Variants in LHX4 observed in about 807,000 individuals in gnomAD.
LHX4 encodes the protein LIM homeobox 4.
Under a neutral mutation model 39.2 loss-of-function variants are expected in LHX4, and 16 were observed. That is an observed-to-expected ratio of 0.41 (90% CI 0.28 to 0.62). The LOEUF is 0.62. LHX4 is among the 20% of genes least tolerant of loss of function. The pLI, the probability that LHX4 is intolerant of heterozygous loss-of-function variation, is 0.33. For synonymous variants in LHX4, 206 were observed against 198.1 expected, an observed-to-expected ratio of 1.04 and a Z score of -0.33; for missense variants, 439 against 511.9, an observed-to-expected ratio of 0.86 and a Z score of 1.37.
At chr1:180,259,477 G>T (rs902821652) in intron 2 of LHX4, among the ~76,000 whole-genome samples, 1 of 151,800 alleles carries the variant, frequency 6.6e-6, no homozygotes, top group Admixed American at 6.5e-5. Context: ...AGGGGCTGGG[G>T]CCCCGGGTGT....
intron 2 of LHX4, among the ~76,000 whole-genome samples, chr1:180,264,140 ATT>A (rs745617211): frequency 1.3e-5 from 2 of 151,722 alleles, no homozygotes; most frequent in South Asian, 2.1e-4. Context: ...AATTTTTTGC[ATT>A]TTTTGTAGAG....
In LHX4 at chr1:180,266,447, G is replaced by T; in HGVS notation, c.304G>T (p.Val102Phe). The T allele has an allele frequency of 6.2e-7, 1 of 1,614,220 alleles. No homozygotes were observed. Among genetic ancestry groups the T allele is most frequent in the Non-Finnish European group, 8.5e-7 (1 of 1,180,036 alleles). Residue 102 changes from valine (V) to phenylalanine (F), a missense_variant, in exon 3 of 6, where the codon GTC becomes TTC. Physicochemically the swap from Val to Phe is conservative, Grantham distance 50. Transcript: ENST00000263726. The surrounding 1 kb of genome is among the most constrained non-coding windows in gnomAD (Gnocchi z 5.7). Reference protein sequence around the residue: ...CQQGIPPTQVVRKAQDFVYHL... With the variant: ...CQQGIPPTQVFRKAQDFVYHL... ...GCAGGGTATCCCCCCAACCCAGGTG[G>T]TCCGCAAGGCCCAGGACTTTGTCTA...
In LHX4 at chr1:180,271,436, G is replaced by A; in HGVS notation, c.508G>A (p.Glu170Lys). ...PRTTITAKQL[E>K]TLKNAYKNSP... ...GACCACCATCACAGCCAAGCAGCTG[G>A]AGACATTAAAGAATGCATACAAGAA... The change falls in exon 4 of 6, where the codon GAG becomes AAG. Residue 170 changes from glutamate (E) to lysine (K), a missense_variant. By Grantham distance (56) the Glu-to-Lys change is moderately conservative (BLOSUM62 1). Coordinates refer to ENST00000263726, the MANE Select transcript of LHX4 (RefSeq NM_033343.4). 1 of 1,614,194 alleles carries A rather than the reference G, an allele frequency of 6.2e-7. No homozygotes were observed. Among genetic ancestry groups the A allele is most frequent in the Non-Finnish European group, 8.5e-7 (1 of 1,180,038 alleles).
intron 1 of LHX4, among the ~76,000 whole-genome samples, chr1:180,235,632 G>C (rs1475736546): frequency 6.6e-6 from 1 of 152,214 alleles, no homozygotes; most frequent in Admixed American, 6.5e-5. Flanking sequence ...CTCCCCACTC[G>C]GTTCCGCAGC....
intron 2 of LHX4, among the ~76,000 whole-genome samples, chr1:180,254,159 G>A (rs939825740): frequency 5.3e-5 from 8 of 152,208 alleles, no homozygotes; most frequent in African/African-American, 9.6e-5. Flanking sequence ...GTCAGGGGGC[G>A]TGGAGTGACT....
intron 2 of LHX4, among the ~76,000 whole-genome samples, chr1:180,259,560 C>T (rs1050444206): frequency 1.3e-5 from 2 of 151,352 alleles, no homozygotes; most frequent in African/African-American, 2.4e-5. Flanking sequence ...AATGGGAGGG[C>T]GCCAGCAGCT....
At chr1:180,239,160 C>T (rs1664393887) in intron 1 of LHX4, among the ~76,000 whole-genome samples, 2 of 152,186 alleles carry the variant, frequency 1.3e-5, no homozygotes, top group African/African-American at 2.4e-5. Flanking sequence ...GCAGGTGTGC[C>T]ACAGCTTGGT....
Position 180,234,194 on chromosome 1 carries a change from TATATATATATATATATATATATATATA to T in LHX4, c.76+3593_76+3619del, listed in dbSNP as rs1482381099. The stretch of plus-strand genomic sequence containing the variant: ...TTATATATATATATATATATATATA[TATATATATATATATATATATATATATA>T]ATAGATTGAGATTCTATCATATTCC... On this transcript the variant is annotated intron_variant, in intron 1 of 5. Transcript: ENST00000263726. The surrounding 1 kb of genome is among the most constrained non-coding windows in gnomAD (Gnocchi z 4.8). Among the ~76,000 whole-genome samples the T allele has an allele frequency of 0.091, 9,350 of 102,736 alleles. 843 individuals are homozygous for T. Among genetic ancestry groups the T allele is most frequent in the South Asian group, 0.25 (863 of 3,474 alleles). 67.4% of individuals were successfully genotyped at this position (102,736 alleles called of 152,430 possible).
chr1:180,229,966 G>T (rs1272766269), upstream of LHX4, among the ~76,000 whole-genome samples: 3 of 57,502 alleles, frequency 5.2e-5, 1 homozygote, highest in South Asian at 1.6e-3. Flanking sequence ...AGGCGGGGAG[G>T]GGGGGGGGGT....
At chr1:180,258,290 G>A (rs1647954136) in intron 2 of LHX4, among the ~76,000 whole-genome samples, 1 of 152,224 alleles carries the variant, frequency 6.6e-6, no homozygotes, top group Non-Finnish European at 1.5e-5. Flanking sequence ...CAGGTACCTG[G>A]GGGGAGAGCG....
intron 1 of LHX4, among the ~76,000 whole-genome samples, chr1:180,235,638 G>A (rs892783887): frequency 6.6e-6 from 1 of 152,216 alleles, no homozygotes; most frequent in Non-Finnish European, 1.5e-5. Flanking sequence ...ACTCGGTTCC[G>A]CAGCTTAGTG....
chr1:180,236,673 G>T (rs1664327954), intron 1 of LHX4, among the ~76,000 whole-genome samples: 1 of 152,222 alleles, frequency 6.6e-6, no homozygotes. Flanking sequence ...AAGAGTTGTG[G>T]ATGGGGGGCG....
At chr1:180,242,498 GTA>G (rs140615954) in intron 1 of LHX4, among the ~76,000 whole-genome samples, 44 of 151,612 alleles carry the variant, frequency 2.9e-4, no homozygotes, top group African/African-American at 8.5e-4. Flanking sequence ...ATATCTGTGT[GTA>G]TATATATATA....
At chr1:180,245,971 ACTGC>A (rs1647366145) in intron 1 of LHX4, among the ~76,000 whole-genome samples, 1 of 152,050 alleles carries the variant, frequency 6.6e-6, no homozygotes, top group African/African-American at 2.4e-5. Flanking sequence ...GATTGACTGG[ACTGC>A]GTATTCCTCA....
chr1:180,264,378 A>AAC (rs10561933), intron 2 of LHX4, among the ~76,000 whole-genome samples: 4,990 of 145,366 alleles, frequency 0.034, 102 homozygotes, highest in South Asian at 0.07. Flanking sequence ...ACACACACAT[A>AAC]ACACACACAC....
At chr1:180,231,263 C>T (rs780189775) in intron 1 of LHX4, among the ~76,000 whole-genome samples, 1 of 151,936 alleles carries the variant, frequency 6.6e-6, no homozygotes, top group Non-Finnish European at 1.5e-5. Context: ...TTGTGAATTC[C>T]GGGTTCAGCC....
intron 1 of LHX4, among the ~76,000 whole-genome samples, chr1:180,236,061 A>G (rs1664309193): frequency 6.6e-6 from 1 of 152,172 alleles, no homozygotes; most frequent in Non-Finnish European, 1.5e-5. Context: ...TGACACGCCA[A>G]AAACAAAGGG....
At chr1:180,271,814 T>A (rs1175342886) in intron 4 of LHX4, 21 bp from the exon 5 acceptor site, 1 of 1,613,582 alleles carries the variant, frequency 6.2e-7, no homozygotes, top group Admixed American at 1.7e-5. Context: ...CCTGAGTATG[T>A]CCCTTGTGCT....
At chr1:180,256,498 C>T (rs1175258699) in intron 2 of LHX4, among the ~76,000 whole-genome samples, 1 of 152,242 alleles carries the variant, frequency 6.6e-6, no homozygotes, top group Admixed American at 6.5e-5. Flanking sequence ...CTCTCCCACA[C>T]ACCCATTCCA....
Sources: gnomAD v4.1 joint callset for allele counts (sites outside exome capture counted in the v4.1 genomes callset) on GRCh38, gnomAD v4.1.1 for gene constraint, Gnocchi (gnomAD v3.1) non-coding constraint, MANE v1.5 for transcripts, NCBI Gene and HGNC (gene_info 2026-07-23, HGNC 2026-07-21) for gene names.